Variants in SORBS2 observed in about 807,000 individuals in gnomAD.
The protein encoded by SORBS2 is sorbin and SH3 domain-containing protein 2.
SORBS2 carries 46 observed loss-of-function variants against 97.7 expected under a neutral mutation model. That is an observed-to-expected ratio of 0.47 (90% CI 0.37 to 0.60). The LOEUF (loss-of-function observed/expected upper bound fraction) is 0.60, where lower values mean the gene tolerates loss of function less well. Among genes scored for constraint, SORBS2 ranks in the 20% least tolerant of loss-of-function variants. The pLI is 0.00. For synonymous variants in SORBS2, 476 were observed against 473.4 expected (o/e 1.01, Z -0.07); for missense variants, 1,316 against 1,282.3 (o/e 1.03, Z -0.40).
At chr4:185,850,843 C>T (rs1042780468) in intron 1 of SORBS2, among the ~76,000 whole-genome samples, 1 of 152,098 alleles carries the variant, frequency 6.6e-6, no homozygotes, top group East Asian at 1.9e-4. Context: ...TAAAAAAGAT[C>T]CACCTTACCC....
At chr4:185,906,383 T>A (rs566566902) in intron 1 of SORBS2, among the ~76,000 whole-genome samples, 1 of 152,324 alleles carries the variant, frequency 6.6e-6, no homozygotes, top group South Asian at 2.1e-4. Flanking sequence ...AGATTTAATA[T>A]GCCACTCTAT....
chr4:185,848,335 A>T (rs1168825953), intron 1 of SORBS2, among the ~76,000 whole-genome samples: 1 of 152,128 alleles, frequency 6.6e-6, no homozygotes, highest in Non-Finnish European at 1.5e-5. Flanking sequence ...GAGAAGTAAA[A>T]GTTATTGGAC....
chr4:185,640,040 T>A (rs2097100633), intron 4 of SORBS2, among the ~76,000 whole-genome samples: 1 of 152,222 alleles, frequency 6.6e-6, no homozygotes, highest in Non-Finnish European at 1.5e-5. Flanking sequence ...CACTTACTAA[T>A]AAATTATACT....
intron 2 of SORBS2, among the ~76,000 whole-genome samples, chr4:185,720,993 G>A (rs1011615410): frequency 7.9e-5 from 12 of 151,704 alleles, no homozygotes; most frequent in South Asian, 2.1e-4. Context: ...TCATCCACCT[G>A]CCTCATGGGA....
At chr4:185,709,791 C>G (rs1341809574) in intron 2 of SORBS2, 1 of 152,254 alleles carries the variant, frequency 6.6e-6, no homozygotes, top group African/African-American at 2.4e-5. Flanking sequence ...CTTCATCTGA[C>G]ATTGAATCTA....
In SORBS2 at chr4:185,794,240, A is replaced by G. The variant is rs959939801; in HGVS notation, c.-337-18874T>C. Among the ~76,000 whole-genome samples, 4 of 152,208 alleles carry G rather than the reference A, an allele frequency of 2.6e-5. No homozygotes were observed. The East Asian group carries it at 7.7e-4, about 29-fold the overall frequency. On this transcript the variant is annotated intron_variant, in intron 1 of 20. Coordinates refer to the SORBS2 transcript ENST00000284776. ...TGACGTTAGGGTGGGGAGAGAGGGC[A>G]GCAGAAAGAGAGTGGAGAGATGGAG...
chr4:185,819,438 A>G (rs1265738948), intron 1 of SORBS2, among the ~76,000 whole-genome samples: 1 of 152,144 alleles, frequency 6.6e-6, no homozygotes, highest in African/African-American at 2.4e-5. Context: ...CCCACCCAGC[A>G]CTTCTGCTGA....
intron 2 of SORBS2, among the ~76,000 whole-genome samples, chr4:185,688,420 C>T (rs906176868): frequency 6.6e-6 from 1 of 151,504 alleles, no homozygotes; most frequent in Non-Finnish European, 1.5e-5. Flanking sequence ...ATAAAACTGG[C>T]CTGTATTATT....
At chr4:185,730,576 AG>A (rs935435987) in intron 2 of SORBS2, among the ~76,000 whole-genome samples, 2 of 152,230 alleles carry the variant, frequency 1.3e-5, no homozygotes, top group African/African-American at 4.8e-5. Context: ...TGCTGCTGAC[AG>A]GAAGTCCTTG....
At chr4:185,887,532 C>T (rs1411554544) in intron 1 of SORBS2, among the ~76,000 whole-genome samples, 2 of 152,150 alleles carry the variant, frequency 1.3e-5, no homozygotes, top group Non-Finnish European at 2.9e-5. Context: ...ATGCAGCCTG[C>T]AGATTTATAG....
chr4:185,603,877 T>A (rs1192716785), intron 12 of SORBS2, among the ~76,000 whole-genome samples: 1 of 152,202 alleles, frequency 6.6e-6, no homozygotes, highest in African/African-American at 2.4e-5. Flanking sequence ...AAAAGGATGA[T>A]CCTTCCCACA....
intron 2 of SORBS2, chr4:185,772,911 G>A (rs995580295): frequency 2.0e-5 from 3 of 152,184 alleles, no homozygotes; most frequent in African/African-American, 7.2e-5. Context: ...CACAGGCCAA[G>A]TTTCGTGCAA....
chr4:185,705,068 A>G (rs1124024), intron 2 of SORBS2, among the ~76,000 whole-genome samples: 130,648 of 152,226 alleles, frequency 0.86, 56,426 homozygotes, highest in Admixed American at 0.92. Flanking sequence ...ACACAAACAC[A>G]TGTGCCCATG....
At chr4:185,917,890 G>T (rs2099259031) in intron 1 of SORBS2, among the ~76,000 whole-genome samples, 2 of 152,128 alleles carry the variant, frequency 1.3e-5, no homozygotes, top group Non-Finnish European at 2.9e-5. Flanking sequence ...AGGAAAAACA[G>T]TTTGTGTTTT....
intron 11 of SORBS2, 24 bp from the exon 24 acceptor site, chr4:185,612,004 C>T: frequency 7.4e-7 from 1 of 1,351,240 alleles, no homozygotes; most frequent in Non-Finnish European, 1.1e-6. Context: ...GAGAAAAATG[C>T]ATTAGAAACA....
At chr4:185,783,670 T>C (rs2099042123) in intron 1 of SORBS2, among the ~76,000 whole-genome samples, 1 of 152,182 alleles carries the variant, frequency 6.6e-6, no homozygotes, top group South Asian at 2.1e-4. Context: ...AGAAGTAGAC[T>C]GGTCTCCAGT....
intron 2 of SORBS2, among the ~76,000 whole-genome samples, chr4:185,695,088 G>A (rs538028791): frequency 6.6e-6 from 1 of 152,190 alleles, no homozygotes; most frequent in East Asian, 1.9e-4. Context: ...ACGTATAAGA[G>A]AATAGAATGG....
At chr4:185,880,974 G>A (rs1477805828) in intron 1 of SORBS2, among the ~76,000 whole-genome samples, 1 of 151,938 alleles carries the variant, frequency 6.6e-6, no homozygotes, top group Non-Finnish European at 1.5e-5. Flanking sequence ...AAGAGGGGAT[G>A]GGGAGAAAAA....
In SORBS2 at chr4:185,607,971, G is replaced by A. The variant is rs1461914682; in HGVS notation, c.2796+3809C>T. ...CTCCCAAAGTGCTGGGGTTACAGGT[G>A]TGAGCCACCGCGCCTGGCCCTTAAG... On this transcript the variant is annotated intron_variant, in intron 12 of 14. Transcript: ENST00000418609. The surrounding 1 kb of genome is among the most constrained non-coding windows in gnomAD (Gnocchi z 5.2). Among the ~76,000 whole-genome samples the A allele has an allele frequency of 6.6e-6, 1 of 152,150 alleles. No individual in the cohort carries two copies. Among genetic ancestry groups the A allele is most frequent in the Non-Finnish European group, 1.5e-5 (1 of 68,038 alleles).
Sources: gnomAD v4.1 joint callset for allele counts (sites outside exome capture counted in the v4.1 genomes callset) on GRCh38, gnomAD v4.1.1 for gene constraint, Gnocchi (gnomAD v3.1) non-coding constraint, MANE v1.5 for transcripts, NCBI Gene and HGNC (gene_info 2026-07-23, HGNC 2026-07-21) for gene names.